SRD5A3: variants seen among roughly 807,000 people sequenced by gnomAD.
The protein encoded by SRD5A3 is polyprenal reductase.
In SRD5A3, 24 loss-of-function variants were observed where a neutral mutation model predicts 34.3. The observed-to-expected ratio is 0.70, with a 90% CI of 0.51 to 0.99. The LOEUF (loss-of-function observed/expected upper bound fraction) is 0.99. Among genes scored for constraint, SRD5A3 ranks in the 50% least tolerant of loss-of-function variants. The pLI is 0.00. For missense variants in SRD5A3, 350 were observed against 388.2 expected (o/e 0.90, Z 0.83); for synonymous variants, 161 against 167.3 (o/e 0.96, Z 0.29).
At chr4:55,364,402 G>A (rs920936691) in intron 3 of SRD5A3, 131 bp downstream of exon 3, 1 of 1,082,082 alleles carries the variant, frequency 9.2e-7, no homozygotes, top group Non-Finnish European at 1.4e-6. Flanking sequence ...TGCATTTCAG[G>A]AGATGAGACT....
rs1253475134 is a variant in SRD5A3, at chr4:55,370,291, T to TA, written c.*201dup. 1.6e-5 allele frequency: 11 copies of TA among 689,434 alleles called. No homozygotes were observed. The highest frequency in any genetic ancestry group is 2.6e-5 in the Non-Finnish European group (11 of 418,666). 42.7% of individuals were successfully genotyped at this position (689,434 alleles called of 1,614,324 possible). ...CTCCAAAGTATCTTCAAAGAATAAA[T>TA]ACTAATGGCAGATCTGCGATTTCTG... On this transcript the variant is annotated 3_prime_UTR_variant, in exon 5 of 5. Transcript: ENST00000264228.
In SRD5A3 at chr4:55,352,331, T is replaced by C; in HGVS notation, c.221+5774T>C. ...TCTTTTTAGGTTTTAATTTATCCTT[T>C]TCTGTAAGCCTCTGATCCCTGAGAC... On this transcript the variant is annotated intron_variant, in intron 1 of 4. Coordinates refer to ENST00000264228, the MANE Select transcript of SRD5A3 (RefSeq NM_024592.5). 5 of 792,712 alleles carry C rather than the reference T, an allele frequency of 6.3e-6. No individual in the cohort carries two copies. In the South Asian group the frequency reaches 6.7e-5, roughly 11 times the overall value. 49.1% of individuals were successfully genotyped at this position (792,712 alleles called of 1,614,324 possible).
chr4:55,364,187 G>A lies in SRD5A3; in HGVS notation c.478G>A (p.Val160Ile), dbSNP rs200910907. ...VSVFSNVMIH[V>I]VQYCFGLVYY... is the part of the protein sequence containing the mutation. Reference sequence around the variant, plus strand: ...TGTCTTCTCCAATGTCATGATTCACGTCGTGCAGTACTGTTTTGGACTTGT... The same window carrying A: ...TGTCTTCTCCAATGTCATGATTCACATCGTGCAGTACTGTTTTGGACTTGT... Residue 160 changes from valine to isoleucine, a missense_variant, in exon 3 of 5, where the codon GTC (valine) becomes ATC (isoleucine). By Grantham distance (29) the Val-to-Ile change is conservative. Transcript: ENST00000264228. 2.1e-5 allele frequency: 34 copies of A among 1,614,128 alleles called. No individual in the cohort carries two copies. The highest frequency in any genetic ancestry group is 1.3e-4 in the East Asian group (6 of 44,880).
At chr4:55,363,944 C>A (rs1719780027) in intron 2 of SRD5A3, 130 bp from the exon 3 acceptor site, 2 of 928,762 alleles carry the variant, frequency 2.2e-6, no homozygotes, top group Non-Finnish European at 3.5e-6. Context: ...TCATTTGGCC[C>A]ATTTCTTCCT....
chr4:55,368,730 ATTTAT>A (rs1560374274), intron 4 of SRD5A3, among the ~76,000 whole-genome samples: 1 of 148,760 alleles, frequency 6.7e-6, no homozygotes, highest in Non-Finnish European at 1.5e-5. Flanking sequence ...CCGGCCTATT[ATTTAT>A]TTATTTTATT....
At chr4:55,360,553 T>G (rs778031018) in intron 2 of SRD5A3, among the ~76,000 whole-genome samples, 2 of 151,978 alleles carry the variant, frequency 1.3e-5, no homozygotes, top group Non-Finnish European at 2.9e-5. Context: ...AATTACTTTT[T>G]GATAAACATG....
At chr4:55,358,334 C>A (rs187879135) in intron 1 of SRD5A3, among the ~76,000 whole-genome samples, 2 of 151,878 alleles carry the variant, frequency 1.3e-5, no homozygotes, top group East Asian at 3.9e-4. Flanking sequence ...AGTTTGAGAC[C>A]AGCCTGGGCA....
rs1560374930 is a variant in SRD5A3 at position 55,370,098 on chromosome 4, C to T, written c.*7C>T. 3 of 1,612,588 alleles carry T rather than the reference C, an allele frequency of 1.9e-6. No individual in the cohort carries two copies. Among genetic ancestry groups the T allele is most frequent in the African/African-American group, 1.3e-5 (1 of 74,826 alleles). On this transcript the variant is annotated 3_prime_UTR_variant, in exon 5 of 5. Coordinates refer to ENST00000264228, the MANE Select transcript of SRD5A3 (RefSeq NM_024592.5). Reference sequence around the variant, plus strand: ...CCTACCATTTTTGTTTTAAGTTAACCTCAGTCATGAAGAATGCAAACCAGG... The same window carrying T: ...CCTACCATTTTTGTTTTAAGTTAACTTCAGTCATGAAGAATGCAAACCAGG...
chr4:55,371,305 ATAGCT>A lies in SRD5A3; in HGVS notation c.*1217_*1221del, dbSNP rs1483618705. The A allele has an allele frequency of 2.0e-5, 3 of 152,246 alleles. No individual in the cohort carries two copies. Among genetic ancestry groups the A allele is most frequent in the African/African-American group, 7.2e-5 (3 of 41,456 alleles). 9.4% of individuals were successfully genotyped at this position (152,246 alleles called of 1,614,324 possible). ...TTCAGGAATAAAGTTTATACTTAAA[ATAGCT>A]TATGTTAAAGAAAATACCTGTGATT... is the stretch of plus-strand genomic sequence containing the variant. On this transcript the variant is annotated 3_prime_UTR_variant, in exon 5 of 5. Transcript: ENST00000264228.
In SRD5A3 at chr4:55,370,431, TCACACACACACACA is replaced by T. The variant is rs3034886; in HGVS notation, c.*369_*382del. Reference sequence around the variant, plus strand: ...AAAAACCGAAAATATACAAACAGCTTCACACACACACACACACACACACACACACACACACACAC... The same window carrying T: ...AAAAACCGAAAATATACAAACAGCTTCACACACACACACACACACACACAC... On this transcript the variant is annotated 3_prime_UTR_variant, in exon 5 of 5. Transcript: ENST00000264228. The T allele has an allele frequency of 6.6e-3, 1,473 of 224,684 alleles. No individual in the cohort carries two copies. The highest frequency in any genetic ancestry group is 0.021 in the South Asian group (336 of 16,122). 13.9% of individuals were successfully genotyped at this position (224,684 alleles called of 1,614,324 possible).
chr4:55,355,046 C>T (rs1719396244), intron 1 of SRD5A3, among the ~76,000 whole-genome samples: 1 of 152,002 alleles, frequency 6.6e-6, no homozygotes, highest in Admixed American at 6.5e-5. Flanking sequence ...AGCAAAGTGC[C>T]AAAGGAGGAA....
At chr4:55,364,744 G>T in intron 3 of SRD5A3, 4 of 190,766 alleles carry the variant, frequency 2.1e-5, no homozygotes, top group South Asian at 9.9e-5. Flanking sequence ...ATGAGGGAAG[G>T]GAGAGTGCTT....
chr4:55,364,325 T>A lies in SRD5A3; in HGVS notation c.562+54T>A. On this transcript the variant is annotated intron_variant, in intron 3 of 4. Transcript: ENST00000264228. The stretch of plus-strand genomic sequence containing the variant: ...CCCCACCCCAGGGTGTATGATGCGC[T>A]CTCGGGGCTTGTGCTGTGCTAAGCA... 2.5e-6 allele frequency: 4 copies of A among 1,576,232 alleles called. No individual in the cohort carries two copies. The South Asian group carries it at 4.4e-5, about 18-fold the overall frequency.
At chr4:55,348,951 TTAATCCAAATTTAAAATCATTTGG>T (rs1414493632) in intron 1 of SRD5A3, among the ~76,000 whole-genome samples, 1 of 152,232 alleles carries the variant, frequency 6.6e-6, no homozygotes, top group African/African-American at 2.4e-5. Context: ...AATATCTTGG[TTAATCCAAATTTAAAATCATTTGG>T]TAACGTTAAC....
chr4:55,351,883 C>G, intron 1 of SRD5A3: 1 of 633,422 alleles, frequency 1.6e-6, no homozygotes, highest in South Asian at 1.4e-5. Flanking sequence ...ATGTACATGA[C>G]AGGAACTCCA....
chr4:55,359,866 T>A (rs1282369600), intron 2 of SRD5A3, among the ~76,000 whole-genome samples: 1 of 152,230 alleles, frequency 6.6e-6, no homozygotes. Context: ...CATTTATCAT[T>A]TATACTGTTC....
chr4:55,367,238 T>C (rs1398939939), intron 3 of SRD5A3: 2 of 324,902 alleles, frequency 6.2e-6, no homozygotes, highest in Non-Finnish European at 1.2e-5. Flanking sequence ...CATTCGAAAG[T>C]AGATCACAGT....
intron 1 of SRD5A3, among the ~76,000 whole-genome samples, chr4:55,346,778 G>A (rs1349696250): frequency 5.3e-5 from 8 of 152,208 alleles, no homozygotes; most frequent in Non-Finnish European, 1.2e-4. Flanking sequence ...CGGACGCCGA[G>A]GGAGAGCGGA....
At chr4:55,349,087 C>A (rs757938497) in intron 1 of SRD5A3, among the ~76,000 whole-genome samples, 1 of 152,082 alleles carries the variant, frequency 6.6e-6, no homozygotes, top group Non-Finnish European at 1.5e-5. Context: ...CAGGCTGGAA[C>A]GTAGTGGCTC....
Sources: allele counts gnomAD v4.1 joint callset (sites outside exome capture counted in the v4.1 genomes callset), GRCh38; gene constraint gnomAD v4.1.1; transcripts MANE v1.5; gene names NCBI Gene and HGNC (gene_info 2026-07-23, HGNC 2026-07-21).